The following RANBP17 variants were observed in gnomAD, a reference collection of about 807,000 sequenced individuals.
RANBP17 encodes RAN binding protein 17.
Under a neutral mutation model 141.2 loss-of-function variants are expected in RANBP17, and 158 were observed. The observed-to-expected ratio is 1.12, with a 90% CI of 0.98 to 1.28. The LOEUF (loss-of-function observed/expected upper bound fraction) is 1.28, where lower values mean the gene tolerates loss of function less well. RANBP17 is among the 50% of genes most tolerant of loss of function. The probability of loss-of-function intolerance (pLI) is 0.00; values close to 1 mark genes in which losing one functional copy is unlikely to be tolerated. For synonymous variants in RANBP17, 430 were observed against 450.0 expected (o/e 0.96, Z 0.56); for missense variants, 1,438 against 1,290.7 (o/e 1.11, Z -1.75).
chr5:171,124,790 AGAG>A (rs1221377009), intron 14 of RANBP17, among the ~76,000 whole-genome samples: 2 of 152,218 alleles, frequency 1.3e-5, no homozygotes, highest in Non-Finnish European at 2.9e-5. Flanking sequence ...AAACAACAAA[AGAG>A]GAAGACCAGA....
At chr5:171,278,933 T>C (rs1767690630) in intron 25 of RANBP17, among the ~76,000 whole-genome samples, 1 of 152,188 alleles carries the variant, frequency 6.6e-6, no homozygotes, top group Non-Finnish European at 1.5e-5. Context: ...GATATGCAGG[T>C]ACCACTTTTT....
rs79116740 is a variant in RANBP17 at position 171,209,018 on chromosome 5, A to G, written c.2231+3406A>G. On this transcript the variant is annotated intron_variant, in intron 20 of 27. Transcript: ENST00000523189. ...TATAGATACTACCCCAAACAAAGTC[A>G]GTTTCTTATTTACATAAATTACTAT... Among the ~76,000 whole-genome samples the G allele has an allele frequency of 1.6e-3, 244 of 152,336 alleles. 5 individuals are homozygous for G. The East Asian group carries it at 0.034, about 21-fold the overall frequency.
rs771928980 is a variant in RANBP17, at chr5:171,080,345, C to A, written c.1711-89785C>A. ...ACAGTGTAAATGCCAGGATAAAGGA[C>A]AAAGTGCTCTGACCTGTTGCCAAAC... On this transcript the variant is annotated intron_variant, in intron 14 of 27. Transcript: ENST00000523189. 2.6e-4 allele frequency among the ~76,000 whole-genome samples: 39 copies of A among 151,986 alleles called. 1 individual carries two copies. Among genetic ancestry groups the A allele is most frequent in the Non-Finnish European group, 5.6e-4 (38 of 68,000 alleles).
At chr5:171,292,333 A>T (rs1484151839) in intron 25 of RANBP17, among the ~76,000 whole-genome samples, 1 of 152,254 alleles carries the variant, frequency 6.6e-6, no homozygotes, top group Non-Finnish European at 1.5e-5. Context: ...CTGTTACTAT[A>T]TCCCTTAAAT....
chr5:171,217,316 A>G (rs1376437041), intron 21 of RANBP17, among the ~76,000 whole-genome samples: 2 of 152,132 alleles, frequency 1.3e-5, no homozygotes, highest in Non-Finnish European at 2.9e-5. Context: ...GTTTGCCAGT[A>G]TTTTATTGAG....
intron 14 of RANBP17, among the ~76,000 whole-genome samples, chr5:171,023,411 G>A (rs568303629): frequency 1.3e-5 from 2 of 152,268 alleles, no homozygotes; most frequent in East Asian, 3.9e-4. Flanking sequence ...AAATTGAACA[G>A]TGAGAGGAAA....
At chr5:170,970,631 C>G (rs907253849) in intron 14 of RANBP17, 7 of 152,116 alleles carry the variant, frequency 4.6e-5, no homozygotes, top group African/African-American at 1.7e-4. Context: ...AGGTCATCAT[C>G]AAGGTCTGAT....
chr5:171,020,534 C>T (rs777533393), intron 14 of RANBP17, among the ~76,000 whole-genome samples: 3 of 151,276 alleles, frequency 2.0e-5, no homozygotes, highest in Non-Finnish European at 4.4e-5. Flanking sequence ...CCTTCCTTGT[C>T]TCTTTTTGGT....
chr5:170,901,142 C>CT lies in RANBP17; in HGVS notation c.489+5028dup, dbSNP rs1410457075. On this transcript the variant is annotated intron_variant, in intron 5 of 27. Coordinates refer to ENST00000523189, the MANE Select transcript of RANBP17 (RefSeq NM_022897.5). ...TCTCCCACTATTATTGTGTGGGAGT[C>CT]TAAGTCTCTTTGTAGGTCTCTAAGA... is the stretch of plus-strand genomic sequence containing the variant. Among the ~76,000 whole-genome samples the CT allele has an allele frequency of 4.6e-5, 7 of 152,252 alleles. No homozygotes were observed. The East Asian group carries it at 1.2e-3, about 25-fold the overall frequency.
At chr5:170,937,090 C>A (rs1207774119) in intron 12 of RANBP17, among the ~76,000 whole-genome samples, 2 of 152,102 alleles carry the variant, frequency 1.3e-5, no homozygotes, top group African/African-American at 4.8e-5. Flanking sequence ...CCATTCTGAC[C>A]ATCTCTTTTT....
rs1191955532 is a variant in RANBP17, at chr5:170,955,625, ATATATATATATATATGCTCAGTG to A, written c.1574+1939_1574+1961del. On this transcript the variant is annotated intron_variant, in intron 13 of 27. Transcript: ENST00000523189. ...ATATATATATGCTCAGTGTATATAT[ATATATATATATATATGCTCAGTG>A]TATATATATATATATATATATATAT... Among the ~76,000 whole-genome samples the A allele has an allele frequency of 7.4e-4, 63 of 85,326 alleles. 1 individual carries two copies. The highest frequency in any genetic ancestry group is 3.5e-3 in the African/African-American group (60 of 16,974). The allele number at this position is 85,326 out of a possible 152,430, so 56.0% of individuals were successfully genotyped here. A position where few individuals can be genotyped will look rare whatever the true frequency, so the allele number is the denominator to read the frequency against.
intron 25 of RANBP17, among the ~76,000 whole-genome samples, chr5:171,277,279 G>A (rs916640325): frequency 6.6e-6 from 1 of 151,710 alleles, no homozygotes; most frequent in Admixed American, 6.6e-5. Context: ...ACCTAGGATC[G>A]TCTCCCTGCA....
intron 14 of RANBP17, among the ~76,000 whole-genome samples, chr5:171,092,921 T>C (rs1336456416): frequency 6.6e-6 from 1 of 152,228 alleles, no homozygotes; most frequent in African/African-American, 2.4e-5. Flanking sequence ...TGGTTTGTGT[T>C]GCATATTATG....
At chr5:170,871,969 T>C (rs562803311) in intron 1 of RANBP17, among the ~76,000 whole-genome samples, 1 of 152,310 alleles carries the variant, frequency 6.6e-6, no homozygotes, top group South Asian at 2.1e-4. Context: ...TCCAGCTTTG[T>C]TCTTTTTGCT....
intron 14 of RANBP17, among the ~76,000 whole-genome samples, chr5:171,092,803 G>A (rs1343784687): frequency 2.0e-5 from 3 of 152,158 alleles, no homozygotes; most frequent in Admixed American, 2.0e-4. Flanking sequence ...CCTGTCCTGT[G>A]CACTACAAGG....
At chr5:171,035,363 A>G (rs1022177739) in intron 14 of RANBP17, among the ~76,000 whole-genome samples, 2 of 152,194 alleles carry the variant, frequency 1.3e-5, no homozygotes, top group African/African-American at 4.8e-5. Flanking sequence ...AATGAATTTA[A>G]TAACATTAAA....
At chr5:171,111,572 A>G (rs1242438276) in intron 14 of RANBP17, among the ~76,000 whole-genome samples, 1 of 152,058 alleles carries the variant, frequency 6.6e-6, no homozygotes, top group African/African-American at 2.4e-5. Context: ...TTTCTTTCAA[A>G]GTGAAACCCA....
chr5:171,095,373 C>A (rs1042165084), intron 14 of RANBP17, among the ~76,000 whole-genome samples: 5 of 152,124 alleles, frequency 3.3e-5, no homozygotes, highest in African/African-American at 1.2e-4. Context: ...AAGAGAGGAT[C>A]ACAACAGGTA....
chr5:171,155,095 ATATAT>A (rs1268253254), intron 14 of RANBP17, among the ~76,000 whole-genome samples: 1 of 32,656 alleles, frequency 3.1e-5, no homozygotes, highest in African/African-American at 7.2e-5. Context: ...AAAAAAAAAA[ATATAT>A]ATATATATAT....
Sources: gnomAD v4.1 joint callset for allele counts (sites outside exome capture counted in the v4.1 genomes callset) on GRCh38, gnomAD v4.1.1 for gene constraint, MANE v1.5 for transcripts, NCBI Gene and HGNC (gene_info 2026-07-23, HGNC 2026-07-21) for gene names.